Variants in PVT1 observed in about 807,000 individuals in gnomAD.
PVT1 encodes the protein Pvt1 oncogene, also known as CXCR4/PVT1 fusion.
chr8:127,821,652 TAC>T (rs1280149856), intron 2 of PVT1, among the ~76,000 whole-genome samples: 2 of 151,704 alleles, frequency 1.3e-5, no homozygotes, highest in Non-Finnish European at 2.9e-5. Flanking sequence ...CTACTAAAAA[TAC>T]ACAAAAAATT....
chr8:128,083,721 T>G (rs550857316), intron 5 of PVT1, among the ~76,000 whole-genome samples: 1 of 152,026 alleles, frequency 6.6e-6, no homozygotes, highest in South Asian at 2.1e-4. Context: ...TGCCAGAGAG[T>G]GAGAGTGAGA....
At chr8:127,801,409 TG>T (rs1814464074) in intron 2 of PVT1, among the ~76,000 whole-genome samples, 1 of 151,968 alleles carries the variant, frequency 6.6e-6, no homozygotes, top group Non-Finnish European at 1.5e-5. Flanking sequence ...GCCTGGCTAA[TG>T]TTTTTATTTT....
chr8:127,945,434 G>A (rs145443656), intron 3 of PVT1, among the ~76,000 whole-genome samples: 6 of 152,194 alleles, frequency 3.9e-5, no homozygotes, highest in Non-Finnish European at 8.8e-5. Flanking sequence ...CCCCCATCTG[G>A]TCACCCACAT....
intron 6 of PVT1, among the ~76,000 whole-genome samples, chr8:128,098,506 T>A (rs1336864617): frequency 1.3e-5 from 2 of 152,178 alleles, no homozygotes; most frequent in Admixed American, 1.3e-4. Context: ...CTCTCGGCCC[T>A]GGGGATGGAG....
chr8:127,991,015 G>T (rs1454138024), intron 4 of PVT1, among the ~76,000 whole-genome samples: 3 of 152,088 alleles, frequency 2.0e-5, no homozygotes, highest in Non-Finnish European at 2.9e-5. Context: ...GCACCTTTGT[G>T]CATTCATATT....
intron 5 of PVT1, among the ~76,000 whole-genome samples, chr8:128,094,524 T>C (rs1321934471): frequency 6.6e-6 from 1 of 152,220 alleles, no homozygotes; most frequent in African/African-American, 2.4e-5. Flanking sequence ...AGAGATGGGA[T>C]GGCCCAGAAA....
At chr8:127,843,591 C>T (rs780879950) in intron 2 of PVT1, among the ~76,000 whole-genome samples, 2 of 151,898 alleles carry the variant, frequency 1.3e-5, no homozygotes, top group African/African-American at 2.4e-5. Flanking sequence ...TACAGGCGCC[C>T]GCCACCACGA....
chr8:127,955,919 G>A (rs1317485327), intron 3 of PVT1, among the ~76,000 whole-genome samples: 2 of 152,204 alleles, frequency 1.3e-5, no homozygotes, highest in African/African-American at 4.8e-5. Context: ...AAAAAGCCAA[G>A]CTCCAAGAGG....
At chr8:128,061,041 C>T (rs1242619451) in intron 4 of PVT1, among the ~76,000 whole-genome samples, 4 of 151,934 alleles carry the variant, frequency 2.6e-5, no homozygotes, top group South Asian at 2.1e-4. Flanking sequence ...TCCCAAGTAG[C>T]TGGGACTACA....
At chr8:127,990,731 C>G (rs1252669274) in intron 4 of PVT1, among the ~76,000 whole-genome samples, 1 of 152,224 alleles carries the variant, frequency 6.6e-6, no homozygotes, top group Non-Finnish European at 1.5e-5. Context: ...ATTTGCGTTT[C>G]AAATCTGCTG....
At chr8:127,978,158 CTT>C (rs11343602) in intron 3 of PVT1, among the ~76,000 whole-genome samples, 1 of 151,304 alleles carries the variant, frequency 6.6e-6, no homozygotes, top group South Asian at 2.1e-4. Flanking sequence ...TTCTCTTTCT[CTT>C]TTTTTTTAAG....
chr8:127,889,042 T>C (rs1305557821), intron 2 of PVT1, among the ~76,000 whole-genome samples: 3 of 50,794 alleles, frequency 5.9e-5, no homozygotes, highest in East Asian at 3.9e-4. Flanking sequence ...CTTTCTTTCT[T>C]CCTTCCTTCC....
At chr8:127,852,034 G>C (rs1055977886) in intron 2 of PVT1, 1 of 152,242 alleles carries the variant, frequency 6.6e-6, no homozygotes, top group African/African-American at 2.4e-5. Flanking sequence ...AGCCAAACTG[G>C]CCTGTTGGCT....
At chr8:127,983,442 G>A (rs998917463) in intron 3 of PVT1, among the ~76,000 whole-genome samples, 1 of 152,150 alleles carries the variant, frequency 6.6e-6, no homozygotes, top group African/African-American at 2.4e-5. Flanking sequence ...GCTCTTCAGG[G>A]TGATTCTCGC....
At chr8:128,015,821 T>C (rs1029913914) in intron 4 of PVT1, among the ~76,000 whole-genome samples, 1 of 147,922 alleles carries the variant, frequency 6.8e-6, no homozygotes, top group Non-Finnish European at 1.5e-5. Flanking sequence ...GGTCATTAGG[T>C]GGCTTTTCTT....
intron 4 of PVT1, among the ~76,000 whole-genome samples, chr8:128,029,780 C>T (rs1185311425): frequency 6.6e-6 from 1 of 152,122 alleles, no homozygotes; most frequent in Non-Finnish European, 1.5e-5. Flanking sequence ...GCCTGGGCAA[C>T]AGAGGGAGAC....
chr8:127,833,450 C>T (rs1814875600), intron 2 of PVT1, among the ~76,000 whole-genome samples: 1 of 128,212 alleles, frequency 7.8e-6, no homozygotes, highest in African/African-American at 3.3e-5. Flanking sequence ...TCTCTGAAAA[C>T]TGCTTTATGG....
intron 5 of PVT1, among the ~76,000 whole-genome samples, chr8:128,086,864 T>G (rs1309297791): frequency 6.6e-6 from 1 of 152,244 alleles, no homozygotes; most frequent in East Asian, 1.9e-4. Context: ...TGGGAGTGGT[T>G]TCTGTTGATT....
At chr8:127,946,230 A>G (rs1023237974) in intron 3 of PVT1, among the ~76,000 whole-genome samples, 1 of 152,188 alleles carries the variant, frequency 6.6e-6, no homozygotes. Context: ...AAGCCATTCA[A>G]TCGATTGTAT....
Sources: allele counts gnomAD v4.1 joint callset (sites outside exome capture counted in the v4.1 genomes callset), GRCh38; gene constraint gnomAD v4.1.1; transcripts MANE v1.5; gene names NCBI Gene and HGNC (gene_info 2026-07-23, HGNC 2026-07-21).